The following ADGB variants were observed in gnomAD, a reference collection of about 807,000 sequenced individuals.
The protein encoded by ADGB is calpain-7-like protein.
Under a neutral mutation model 210.5 loss-of-function variants are expected in ADGB, and 172 were observed. The observed-to-expected ratio is 0.82, with a 90% CI of 0.72 to 0.93. ADGB has a LOEUF of 0.93. Among genes scored for constraint, ADGB ranks in the 40% least tolerant of loss-of-function variants. The pLI is 0.00. For synonymous variants in ADGB, 658 were observed against 662.7 expected, an observed-to-expected ratio of 0.99 and a Z score of 0.11; for missense variants, 2,025 against 1,964.8, an observed-to-expected ratio of 1.03 and a Z score of -0.58.
At chr6:146,744,150 G>A (rs1777196017) in intron 25 of ADGB, among the ~76,000 whole-genome samples, 1 of 152,128 alleles carries the variant, frequency 6.6e-6, no homozygotes, top group Admixed American at 6.6e-5. Context: ...TTGCTCCATT[G>A]TTTTGTACCC....
At chr6:146,627,262 A>C in intron 1 of ADGB, among the ~76,000 whole-genome samples, 1 of 151,998 alleles carries the variant, frequency 6.6e-6, no homozygotes, top group South Asian at 2.1e-4. Flanking sequence ...TAAGTCAATC[A>C]ATTGTTTCTG....
intron 3 of ADGB, among the ~76,000 whole-genome samples, chr6:146,652,835 C>G (rs78048032): frequency 0.014 from 2,167 of 152,174 alleles, 44 homozygotes; most frequent in African/African-American, 0.048. Context: ...TATTTTCCCT[C>G]CTATCAGACG....
chr6:146,725,914 G>GTTC (rs1776888493), intron 18 of ADGB, 169 bp from the exon 19 acceptor site: 1 of 509,984 alleles, frequency 2.0e-6, no homozygotes, highest in Admixed American at 3.2e-5. Context: ...ATCCCGTAGG[G>GTTC]TTCTTATAGA....
At chr6:146,735,405 G>C (rs1201378934) in intron 22 of ADGB, among the ~76,000 whole-genome samples, 1 of 152,146 alleles carries the variant, frequency 6.6e-6, no homozygotes, top group East Asian at 1.9e-4. Context: ...AAGAGAGAGA[G>C]AGAGATAAAG....
intron 3 of ADGB, 121 bp downstream of exon 3, chr6:146,644,986 A>G (rs1775586410): frequency 3.9e-6 from 2 of 516,306 alleles, no homozygotes; most frequent in East Asian, 6.9e-5. Context: ...TCAGTAAAAA[A>G]GTAATTGCTT....
intron 28 of ADGB, among the ~76,000 whole-genome samples, chr6:146,766,134 AG>A (rs1422913133): frequency 6.6e-6 from 1 of 152,054 alleles, no homozygotes; most frequent in African/African-American, 2.4e-5. Flanking sequence ...GGTAGGGGTG[AG>A]GGGGGCGGTG....
Position 146,761,631 on chromosome 6 carries a change from G to C in ADGB, c.3551-2270G>C, listed in dbSNP as rs952536844. Among the ~76,000 whole-genome samples the C allele has an allele frequency of 3.9e-4, 59 of 151,982 alleles. 1 individual carries two copies. The highest frequency in any genetic ancestry group is 1.8e-4 in the Non-Finnish European group (12 of 67,950). ...ACATTTATATTGTGAGTCAGCAGAT[G>C]GTGCATATACTTTACTATTTTCATA... is the stretch of plus-strand genomic sequence containing the variant. On this transcript the variant is annotated intron_variant, in intron 27 of 35. Transcript: ENST00000397944.
chr6:146,633,604 TCTG>T (rs1257348140), intron 1 of ADGB, among the ~76,000 whole-genome samples: 2 of 152,120 alleles, frequency 1.3e-5, no homozygotes, highest in Admixed American at 1.3e-4. Flanking sequence ...CCTTCCTGTA[TCTG>T]GAGCATTCTT....
intron 1 of ADGB, among the ~76,000 whole-genome samples, chr6:146,619,209 T>C (rs932238604): frequency 6.6e-6 from 1 of 152,058 alleles, no homozygotes; most frequent in Non-Finnish European, 1.5e-5. Context: ...TTTTTGGTTT[T>C]TATTTGTGGG....
In ADGB at chr6:146,635,527, G is replaced by A; in HGVS notation, c.227G>A (p.Ser76Asn). ...AAAGAAAAGGACAAAACAGGAAAAAGCCCTGTATTTGTAAGTAGATGTAAA... is the reference window on the plus strand; with the variant it reads ...AAAGAAAAGGACAAAACAGGAAAAAACCCTGTATTTGTAAGTAGATGTAAA... The part of the protein sequence containing the change: ...GAKEKDKTGK[S>N]PVFHFFEDPE... Residue 76 changes from serine (S) to asparagine (N), a missense_variant, in exon 2 of 36, where the codon AGC (serine) becomes AAC (asparagine). By Grantham distance (46) the Ser-to-Asn change is conservative. Coordinates refer to ENST00000397944, the MANE Select transcript of ADGB (RefSeq NM_024694.4). 6.5e-7 allele frequency: 1 copy of A among 1,535,224 alleles called. No individual in the cohort carries two copies. Among genetic ancestry groups the A allele is most frequent in the Non-Finnish European group, 8.8e-7 (1 of 1,140,104 alleles).
At chr6:146,631,133 T>C (rs1781058919) in intron 1 of ADGB, among the ~76,000 whole-genome samples, 1 of 152,228 alleles carries the variant, frequency 6.6e-6, no homozygotes. Context: ...GTGCTTATAA[T>C]GATTAAAGAT....
At chr6:146,788,743 C>T (rs1420071044) in intron 33 of ADGB, 133 bp downstream of exon 33, 1 of 884,098 alleles carries the variant, frequency 1.1e-6, no homozygotes, top group Non-Finnish European at 1.7e-6. Context: ...TATAGATTTT[C>T]ATTTTACTTA....
At chr6:146,763,711 G>A (rs918019029) in intron 27 of ADGB, among the ~76,000 whole-genome samples, 190 bp from the exon 28 acceptor site, 1 of 152,108 alleles carries the variant, frequency 6.6e-6, no homozygotes, top group Non-Finnish European at 1.5e-5. Flanking sequence ...ACATTGCTCT[G>A]TGCATGTCAC....
chr6:146,608,261 A>T (rs931563162), intron 1 of ADGB, among the ~76,000 whole-genome samples: 3 of 150,690 alleles, frequency 2.0e-5, no homozygotes, highest in South Asian at 4.2e-4. Flanking sequence ...AGTGTGTTTT[A>T]TTATTATTAT....
intron 1 of ADGB, among the ~76,000 whole-genome samples, chr6:146,623,579 G>A (rs1583563381): frequency 6.6e-6 from 1 of 151,772 alleles, no homozygotes; most frequent in Non-Finnish European, 1.5e-5. Context: ...TATCATTTAT[G>A]AAAGTTTTAA....
Position 146,691,277 on chromosome 6 carries a change from A to G in ADGB, c.1473A>G (p.Thr491=). The G allele has an allele frequency of 1.3e-6, 2 of 1,544,358 alleles. No homozygotes were observed. The highest frequency in any genetic ancestry group is 1.7e-6 in the Non-Finnish European group (2 of 1,145,096). ...LIRQKKETVI[T]DEAQELIVKK... ...GTCAAAAAAAGGAAACTGTTATAAC[A>G]GATGAAGCTCAAGGTATGTATCACA... The change falls in exon 11 of 36, where the codon ACA becomes ACG. Residue 491 remains threonine, a synonymous_variant. Coordinates refer to ENST00000397944, the MANE Select transcript of ADGB (RefSeq NM_024694.4).
chr6:146,600,812 C>T (rs1780543869), intron 1 of ADGB, among the ~76,000 whole-genome samples: 1 of 151,264 alleles, frequency 6.6e-6, no homozygotes. Context: ...TAGATAGTTC[C>T]AAGATCATAC....
intron 35 of ADGB, among the ~76,000 whole-genome samples, chr6:146,812,636 G>C (rs1473332412): frequency 6.6e-6 from 1 of 152,352 alleles, no homozygotes; most frequent in Non-Finnish European, 1.5e-5. Context: ...AGGAATGATT[G>C]ATCCCTTCTT....
At chr6:146,716,164 T>C (rs1162854034) in intron 14 of ADGB, among the ~76,000 whole-genome samples, 5 of 152,158 alleles carry the variant, frequency 3.3e-5, no homozygotes, top group African/African-American at 1.2e-4. Flanking sequence ...AACACATTTG[T>C]TGCACCAGAT....
Sources: allele counts gnomAD v4.1 joint callset (sites outside exome capture counted in the v4.1 genomes callset), GRCh38; gene constraint gnomAD v4.1.1; transcripts MANE v1.5; gene names NCBI Gene and HGNC (gene_info 2026-07-23, HGNC 2026-07-21).